Variants in MOSMO observed in about 807,000 individuals in gnomAD.
MOSMO encodes the protein modulator of smoothened protein.
In MOSMO, 5 loss-of-function variants were observed where a neutral mutation model predicts 18.4. The observed-to-expected ratio is 0.27, with a 90% confidence interval of 0.14 to 0.57. The LOEUF (loss-of-function observed/expected upper bound fraction) is 0.57. Ranked by LOEUF, MOSMO falls within the 20% of genes least tolerant of loss-of-function variation. The pLI, the probability that MOSMO is intolerant of heterozygous loss-of-function variation, is 0.92. For missense variants in MOSMO, 138 were observed against 211.8 expected, an observed-to-expected ratio of 0.65 and a Z score of 2.16; for synonymous variants, 82 against 82.3, an observed-to-expected ratio of 1.00 and a Z score of 0.02.
At chr16:22,061,815 AT>A (rs1900650221) in intron 1 of MOSMO, among the ~76,000 whole-genome samples, 1 of 152,206 alleles carries the variant, frequency 6.6e-6, no homozygotes, top group African/African-American at 2.4e-5. Context: ...AAGCTAATTA[AT>A]GAGGGATTGA....
At chr16:22,028,880 A>G (rs759475899) in intron 1 of MOSMO, among the ~76,000 whole-genome samples, 4 of 151,838 alleles carry the variant, frequency 2.6e-5, no homozygotes, top group Admixed American at 6.6e-5. Flanking sequence ...TTGTTTGTTT[A>G]TTTATTTTGA....
chr16:22,009,038 G>T (rs1193151042), intron 1 of MOSMO, among the ~76,000 whole-genome samples: 1 of 152,146 alleles, frequency 6.6e-6, no homozygotes, highest in Non-Finnish European at 1.5e-5. Context: ...TGGTGGGAGT[G>T]GGGGGCGCCG....
chr16:22,019,658 T>TA (rs1304121669), intron 1 of MOSMO, among the ~76,000 whole-genome samples: 1 of 152,178 alleles, frequency 6.6e-6, no homozygotes. Context: ...ATGTTATGGT[T>TA]AACACTAAGA....
At chr16:22,036,795 C>T (rs1252183042) in intron 1 of MOSMO, among the ~76,000 whole-genome samples, 2 of 152,124 alleles carry the variant, frequency 1.3e-5, no homozygotes. Flanking sequence ...TCTGAAGGGC[C>T]TTTTACACTG....
intron 1 of MOSMO, among the ~76,000 whole-genome samples, chr16:22,042,648 C>T (rs1900231258): frequency 6.6e-6 from 1 of 152,170 alleles, no homozygotes; most frequent in African/African-American, 2.4e-5. Context: ...TATATTTTCA[C>T]ACGGGCACCA....
chr16:22,034,980 C>T lies in MOSMO; in HGVS notation c.106+26573C>T, dbSNP rs555147733. ...AACTCCTGGCCTCAGGTGATCCATCCTCCTTGACCTCCCAAAGTGCTGGGA... is the reference window on the plus strand; with the variant it reads ...AACTCCTGGCCTCAGGTGATCCATCTTCCTTGACCTCCCAAAGTGCTGGGA... On this transcript the variant is annotated intron_variant, in intron 1 of 2. Coordinates refer to ENST00000542527, the MANE Select transcript of MOSMO (RefSeq NM_001164579.2). 3.3e-5 allele frequency among the ~76,000 whole-genome samples: 5 copies of T among 152,040 alleles called. No individual in the cohort carries two copies. The South Asian group carries it at 1.0e-3, about 32-fold the overall frequency.
chr16:22,041,130 A>T (rs1567506079), intron 1 of MOSMO, among the ~76,000 whole-genome samples: 2 of 152,202 alleles, frequency 1.3e-5, no homozygotes, highest in Admixed American at 6.5e-5. Context: ...GGAAAGAACA[A>T]TTTAAATACA....
intron 1 of MOSMO, among the ~76,000 whole-genome samples, chr16:22,027,849 C>G (rs1191575833): frequency 2.0e-5 from 3 of 152,122 alleles, no homozygotes; most frequent in Non-Finnish European, 4.4e-5. Context: ...TTCTCTGCCT[C>G]AGTATGAAAG....
At chr16:22,031,985 G>A (rs967964872) in intron 1 of MOSMO, among the ~76,000 whole-genome samples, 1 of 152,072 alleles carries the variant, frequency 6.6e-6, no homozygotes, top group African/African-American at 2.4e-5. Flanking sequence ...AGTATAGGAG[G>A]GTTCCAGTTT....
intron 1 of MOSMO, among the ~76,000 whole-genome samples, chr16:22,060,911 T>C (rs1260084070): frequency 6.6e-6 from 1 of 152,012 alleles, no homozygotes; most frequent in Non-Finnish European, 1.5e-5. Flanking sequence ...ACAGCTACTT[T>C]AGCAAACAGT....
intron 1 of MOSMO, among the ~76,000 whole-genome samples, chr16:22,017,642 G>C (rs1480053236): frequency 6.6e-6 from 1 of 152,144 alleles, no homozygotes; most frequent in Non-Finnish European, 1.5e-5. Context: ...GCTTAGATAA[G>C]AGCCATGAGG....
intron 1 of MOSMO, among the ~76,000 whole-genome samples, chr16:22,071,700 T>C (rs1335189470): frequency 6.6e-6 from 1 of 152,180 alleles, no homozygotes; most frequent in African/African-American, 2.4e-5. Context: ...TCCATTTCCT[T>C]TTTCCTATTG....
chr16:22,018,243 G>A (rs1451874107), intron 1 of MOSMO, among the ~76,000 whole-genome samples: 1 of 152,140 alleles, frequency 6.6e-6, no homozygotes, highest in African/African-American at 2.4e-5. Flanking sequence ...AGAAAAAAAT[G>A]CAGTTGGGTG....
At chr16:22,035,317 C>T (rs191388080) in intron 1 of MOSMO, among the ~76,000 whole-genome samples, 9 of 151,846 alleles carry the variant, frequency 5.9e-5, no homozygotes, top group East Asian at 3.9e-4. Context: ...TTTTCAGGCA[C>T]GCCTTGTTGA....
chr16:22,028,251 A>G (rs966511490), intron 1 of MOSMO, among the ~76,000 whole-genome samples: 1 of 152,068 alleles, frequency 6.6e-6, no homozygotes, highest in Non-Finnish European at 1.5e-5. Flanking sequence ...TTCCTTTATT[A>G]TGATTACTCA....
At chr16:22,091,549 A>G (rs1901327063), downstream of MOSMO, among the ~76,000 whole-genome samples, 1 of 151,964 alleles carries the variant, frequency 6.6e-6, no homozygotes, top group Non-Finnish European at 1.5e-5. Context: ...GTACCTGACT[A>G]ATTTTTATTT....
chr16:22,040,237 A>G (rs1211693389), intron 1 of MOSMO, among the ~76,000 whole-genome samples: 3 of 152,144 alleles, frequency 2.0e-5, no homozygotes, highest in African/African-American at 7.2e-5. Context: ...TGGACACATA[A>G]GAGGGGAACA....
At chr16:22,010,073 A>T (rs1222727327) in intron 1 of MOSMO, among the ~76,000 whole-genome samples, 1 of 152,156 alleles carries the variant, frequency 6.6e-6, no homozygotes, top group Non-Finnish European at 1.5e-5. Context: ...TTATCCTGCA[A>T]TATTTTTAGC....
chr16:22,017,540 A>G (rs1244160641), intron 1 of MOSMO, among the ~76,000 whole-genome samples: 3 of 152,168 alleles, frequency 2.0e-5, no homozygotes, highest in Admixed American at 1.3e-4. Flanking sequence ...ATTGATAACA[A>G]CAGATTGAAA....
Sources: gnomAD v4.1 joint callset for allele counts (sites outside exome capture counted in the v4.1 genomes callset) on GRCh38, gnomAD v4.1.1 for gene constraint, MANE v1.5 for transcripts, NCBI Gene and HGNC (gene_info 2026-07-23, HGNC 2026-07-21) for gene names.